The following PDE1A variants were observed in gnomAD, a reference collection of about 807,000 sequenced individuals.
PDE1A encodes the protein dual specificity calcium/calmodulin-dependent 3',5'-cyclic nucleotide phosphodiesterase 1A.
PDE1A carries 35 observed loss-of-function variants against 61.7 expected under a neutral mutation model. The ratio of observed to expected loss-of-function variants is 0.57; its 90% CI spans 0.43 to 0.75. The LOEUF is 0.75. Ranked by LOEUF, PDE1A falls within the 30% of genes least tolerant of loss-of-function variation. The probability of loss-of-function intolerance (pLI) is 0.00; values close to 1 mark genes in which losing one functional copy is unlikely to be tolerated. For synonymous variants in PDE1A, 232 were observed against 213.2 expected, an observed-to-expected ratio of 1.09 and a Z score of -0.77; for missense variants, 597 against 630.6, an observed-to-expected ratio of 0.95 and a Z score of 0.57.
At chr2:182,525,634 C>A, upstream of PDE1A, among the ~76,000 whole-genome samples, 1 of 152,106 alleles carries the variant, frequency 6.6e-6, no homozygotes, top group East Asian at 1.9e-4. Flanking sequence ...CTGAGGCCTC[C>A]CCAGAAGCAG....
intron 2 of PDE1A, among the ~76,000 whole-genome samples, chr2:182,455,658 C>CA (rs958123949): frequency 3.7e-4 from 56 of 151,626 alleles, no homozygotes; most frequent in African/African-American, 1.3e-3. Flanking sequence ...ATTCCAAGGA[C>CA]AAAAAACCAA....
At chr2:182,498,025 G>A (rs181810268) in intron 2 of PDE1A, among the ~76,000 whole-genome samples, 35 of 129,816 alleles carry the variant, frequency 2.7e-4, no homozygotes, top group East Asian at 2.0e-3. Context: ...CAGCCTGTGC[G>A]ACAGAGCGAG....
intron 1 of PDE1A, among the ~76,000 whole-genome samples, chr2:182,423,421 C>T (rs571582743): frequency 1.3e-5 from 2 of 152,180 alleles, no homozygotes; most frequent in Non-Finnish European, 2.9e-5. Flanking sequence ...CTCCTAATAT[C>T]GTAGCCAGCT....
chr2:182,237,087 T>C (rs946279447), intron 3 of PDE1A, among the ~76,000 whole-genome samples: 1 of 152,230 alleles, frequency 6.6e-6, no homozygotes, highest in Non-Finnish European at 1.5e-5. Context: ...TGAAAAATGA[T>C]AGTGAATTTC....
At chr2:182,244,165 C>A (rs1028828434) in intron 2 of PDE1A, among the ~76,000 whole-genome samples, 1 of 152,150 alleles carries the variant, frequency 6.6e-6, no homozygotes, top group South Asian at 2.1e-4. Context: ...CAACGCCCGG[C>A]CTTAATGGTA....
chr2:182,540,384 AAGCAGCAGCAGC>A, the PDE1A span, among the ~76,000 whole-genome samples: 1,018 of 77,304 alleles, frequency 0.013, 55 homozygotes, highest in Middle Eastern at 0.017. Context: ...AAAAAAAAAA[AAGCAGCAGCAGC>A]AGCAGCAGCA....
the PDE1A span, among the ~76,000 whole-genome samples, chr2:182,542,608 C>T: frequency 6.6e-6 from 1 of 152,076 alleles, no homozygotes; most frequent in Non-Finnish European, 1.5e-5. Context: ...TCCTTCATAG[C>T]ATGTTCTATT....
the PDE1A span, among the ~76,000 whole-genome samples, chr2:182,580,972 T>C: frequency 6.6e-6 from 1 of 152,222 alleles, no homozygotes; most frequent in African/African-American, 2.4e-5. Flanking sequence ...ACTCTTACTC[T>C]CCCAGTCTGA....
chr2:182,657,512 G>A, the PDE1A span, among the ~76,000 whole-genome samples: 2 of 152,102 alleles, frequency 1.3e-5, no homozygotes, highest in Non-Finnish European at 2.9e-5. Context: ...ATTTTATATT[G>A]CTACTCTACC....
chr2:182,181,883 G>A (rs555322577), intron 13 of PDE1A, among the ~76,000 whole-genome samples: 9 of 152,140 alleles, frequency 5.9e-5, no homozygotes, highest in Non-Finnish European at 7.4e-5. Flanking sequence ...GGGGAAAACC[G>A]CCTACTAAAG....
At chr2:182,500,802 T>G (rs1689040711) in intron 2 of PDE1A, among the ~76,000 whole-genome samples, 1 of 152,192 alleles carries the variant, frequency 6.6e-6, no homozygotes, top group Admixed American at 6.5e-5. Flanking sequence ...TGTTTAACAT[T>G]GTGACCCAGC....
chr2:182,151,119 C>G (rs1188830895), intron 13 of PDE1A, among the ~76,000 whole-genome samples: 1 of 152,170 alleles, frequency 6.6e-6, no homozygotes, highest in Non-Finnish European at 1.5e-5. Flanking sequence ...CAAAGTTTTG[C>G]TCTTGTTGTC....
At chr2:182,552,961 C>G in the PDE1A span, among the ~76,000 whole-genome samples, 5 of 152,326 alleles carry the variant, frequency 3.3e-5, no homozygotes, top group East Asian at 9.7e-4. Flanking sequence ...CCCTCCAGAT[C>G]CAGCAGGGTG....
intron 7 of PDE1A, among the ~76,000 whole-genome samples, chr2:182,218,438 GA>G (rs1380456810): frequency 7.3e-5 from 11 of 151,236 alleles, no homozygotes; most frequent in South Asian, 2.1e-4. Flanking sequence ...AAAAAAACAA[GA>G]AAAAAAAGAA....
chr2:182,380,270 C>T (rs1482817994), intron 1 of PDE1A, among the ~76,000 whole-genome samples: 1 of 152,070 alleles, frequency 6.6e-6, no homozygotes, highest in East Asian at 1.9e-4. Context: ...GCCACCACGC[C>T]AGGCTACTTT....
intron 1 of PDE1A, among the ~76,000 whole-genome samples, chr2:182,370,831 A>G (rs1265221725): frequency 1.3e-5 from 2 of 152,214 alleles, no homozygotes; most frequent in East Asian, 3.8e-4. Context: ...GCAGGAGATT[A>G]GGAGTTCGTT....
At chr2:182,450,246 T>C (rs1297754226) in intron 2 of PDE1A, among the ~76,000 whole-genome samples, 2 of 151,958 alleles carry the variant, frequency 1.3e-5, no homozygotes, top group Non-Finnish European at 2.9e-5. Flanking sequence ...TATCACATTT[T>C]CAAAAGGCTG....
At chr2:182,281,317 T>C (rs1467944089) in intron 1 of PDE1A, among the ~76,000 whole-genome samples, 3 of 152,052 alleles carry the variant, frequency 2.0e-5, no homozygotes, top group Admixed American at 1.3e-4. Flanking sequence ...TGGAAAGAAA[T>C]GCTAAAGAAC....
the PDE1A span, among the ~76,000 whole-genome samples, chr2:182,535,117 C>G: frequency 6.6e-6 from 1 of 152,004 alleles, no homozygotes; most frequent in African/African-American, 2.4e-5. Flanking sequence ...TGAAGCACCT[C>G]TACTATTTCA....
Sources: gnomAD v4.1 joint callset for allele counts (sites outside exome capture counted in the v4.1 genomes callset) on GRCh38, gnomAD v4.1.1 for gene constraint, MANE v1.5 for transcripts, NCBI Gene and HGNC (gene_info 2026-07-23, HGNC 2026-07-21) for gene names.